The following CD63 variants were observed in gnomAD, a reference collection of about 807,000 sequenced individuals.
CD63 encodes the protein CD63 molecule, also known as CD63 antigen.
Under a neutral mutation model 29.2 loss-of-function variants are expected in CD63, and 16 were observed. The ratio of observed to expected loss-of-function variants is 0.55; its 90% CI spans 0.37 to 0.83. The LOEUF (loss-of-function observed/expected upper bound fraction) is 0.83. CD63 is among the 40% of genes least tolerant of loss of function. The probability of loss-of-function intolerance (pLI) is 0.00; values close to 1 mark genes in which losing one functional copy is unlikely to be tolerated. For synonymous variants in CD63, 118 were observed against 111.7 expected, an observed-to-expected ratio of 1.06 and a Z score of -0.36; for missense variants, 251 against 297.3, an observed-to-expected ratio of 0.84 and a Z score of 1.15.
chr12:55,723,973 GA>G, downstream of CD63: 1 of 1,614,052 alleles, frequency 6.2e-7, no homozygotes, highest in Non-Finnish European at 8.5e-7. Flanking sequence ...AGAGTCTGGA[GA>G]AAACCCTGCA....
chr12:55,725,900 A>C lies in CD63; in HGVS notation c.568-4T>G. On this transcript the variant is annotated splice_region_variant and splice_polypyrimidine_tract_variant and intron_variant, in intron 6 of 7. Coordinates refer to ENST00000257857, the MANE Select transcript of CD63 (RefSeq NM_001780.6). ...CCCCAATCTTCTCCACACAGCCCTG[A>C]AGGTGGCAGGCACAAAGGACAAAAG... 1 of 1,613,714 alleles carries C rather than the reference A, an allele frequency of 6.2e-7. No individual in the cohort carries two copies. Among genetic ancestry groups the C allele is most frequent in the Non-Finnish European group, 8.5e-7 (1 of 1,179,792 alleles).
chr12:55,726,649 A>G, intron 5 of CD63, 51 bp downstream of exon 5: 1 of 1,404,702 alleles, frequency 7.1e-7, no homozygotes, highest in Non-Finnish European at 1.0e-6. Context: ...CCAGCCTTGG[A>G]GATGAGAATT....
At chr12:55,729,149 C>A, upstream of CD63, 1 of 985,088 alleles carries the variant, frequency 1.0e-6, no homozygotes, top group Non-Finnish European at 1.2e-6. Flanking sequence ...CTGGGCCCGG[C>A]GCGGGGTGGG....
At chr12:55,723,804 T>G, downstream of CD63, 2 of 1,538,088 alleles carry the variant, frequency 1.3e-6, no homozygotes, top group Non-Finnish European at 1.8e-6. Context: ...GTGGTAACTT[T>G]CTCAGCTCCC....
intron 5 of CD63, 67 bp from the exon 6 acceptor site, chr12:55,726,328 A>C: frequency 1.8e-6 from 1 of 556,628 alleles, no homozygotes. Flanking sequence ...TATGGAGATG[A>C]GAATTCTTTT....
At chr12:55,727,749 G>A in intron 2 of CD63, 1 of 1,033,026 alleles carries the variant, frequency 9.7e-7, no homozygotes, top group Non-Finnish European at 1.2e-6. Context: ...TAGGCCAGGA[G>A]AAGGGAAGAG....
Position 55,727,498 on chromosome 12 carries a change from C to A in CD63, c.67-159G>T, listed in dbSNP as rs1877544791. On this transcript the variant is annotated intron_variant, in intron 2 of 7. Transcript: ENST00000257857. ...CTTTGGCTGTGGGGTAGGGGGATGA[C>A]CCATCCTTGCCTGCCCCTACCTCCC... The A allele has an allele frequency of 2.5e-6, 3 of 1,177,428 alleles. No individual in the cohort carries two copies. In the South Asian group the frequency reaches 5.4e-5, roughly 21 times the overall value. 72.9% of individuals were successfully genotyped at this position (1,177,428 alleles called of 1,614,324 possible).
chr12:55,725,848 C>CCA lies in CD63; in HGVS notation c.614_615dup (p.Val206TrpfsTer2). The CCA allele has an allele frequency of 6.2e-7, 1 of 1,614,122 alleles. No individual in the cohort carries two copies. Among genetic ancestry groups the CCA allele is most frequent in the Non-Finnish European group, 8.5e-7 (1 of 1,179,986 alleles). ...GCAATTCCAAGGGCTGCTGCAGCTA[C>CCA]CACCAGCACATTTTTCCTCAGCCAG... is the stretch of plus-strand genomic sequence containing the variant. On this transcript the variant is annotated frameshift_variant, in exon 7 of 8. Coordinates refer to ENST00000257857, the MANE Select transcript of CD63 (RefSeq NM_001780.6). LOFTEE classifies it high-confidence loss of function.
In CD63 at chr12:55,726,133, C is replaced by T. The variant is rs377744109; in HGVS notation, c.555G>A (p.Ala185=). ...VGCGINFNEK[A]IHKEGCVEKI... is the part of the protein sequence containing the mutation. ...GTCTCCTCCCTACCTCCTTATGGAT[C>T]GCCTTCTCGTTGAAATTAATCCCAC... is the stretch of plus-strand genomic sequence containing the variant. Residue 185 remains alanine, a synonymous_variant, in exon 6 of 8, where the codon GCG becomes GCA. Transcript: ENST00000257857. 6.1e-5 allele frequency: 99 copies of T among 1,613,846 alleles called. No homozygotes were observed. Among genetic ancestry groups the T allele is most frequent in the East Asian group, 4.7e-4 (21 of 44,892 alleles).
downstream of CD63, chr12:55,724,448 C>G: frequency 6.2e-7 from 1 of 1,614,120 alleles, no homozygotes; most frequent in South Asian, 1.1e-5. Flanking sequence ...GGTTGGGATG[C>G]CAAGCTGCTC....
In CD63 at chr12:55,727,657, C is replaced by G. The variant is rs926719849; in HGVS notation, c.67-318G>C. 9.0e-6 allele frequency: 10 copies of G among 1,113,486 alleles called. No individual in the cohort carries two copies. The Admixed American group carries it at 4.8e-4, about 53-fold the overall frequency. 69.0% of individuals were successfully genotyped at this position (1,113,486 alleles called of 1,614,324 possible). ...GGCCTCCAGGGCTCCCAGCTCAATT[C>G]TCTCCCAGAACTGCCCCCTCACTAT... On this transcript the variant is annotated intron_variant, in intron 2 of 7. Transcript: ENST00000257857.
upstream of CD63, chr12:55,729,267 C>A: frequency 4.9e-6 from 2 of 410,524 alleles, no homozygotes; most frequent in Non-Finnish European, 6.6e-6. Context: ...CTGGGGCCCC[C>A]CTCTGGCGCT....
rs1313401625 is a variant in CD63 at position 55,728,640 on chromosome 12, G to A, written c.-11-288C>T. The A allele has an allele frequency of 1.6e-6, 2 of 1,287,014 alleles. No individual in the cohort carries two copies. The highest frequency in any genetic ancestry group is 2.0e-6 in the Non-Finnish European group (2 of 1,012,834). The allele number at this position is 1,287,014 out of a possible 1,614,324, so 79.7% of individuals were successfully genotyped here. ...CCTGACGCCGACCCTCGGCCCGCCA[G>A]TCTCCGGGCGTCAAACACCCTTTCC... On this transcript the variant is annotated intron_variant, in intron 1 of 7. Coordinates refer to ENST00000257857, the MANE Select transcript of CD63 (RefSeq NM_001780.6). The surrounding 1 kb of genome is among the most constrained non-coding windows in gnomAD (Gnocchi z 4.8).
intron 6 of CD63, 73 bp downstream of exon 6, chr12:55,726,048 C>A: frequency 6.4e-7 from 1 of 1,567,846 alleles, no homozygotes; most frequent in Non-Finnish European, 8.8e-7. Flanking sequence ...CCCTGTCCAC[C>A]TCCATCCTGG....
At position 55,725,843 on chromosome 12, in the gene CD63, A is replaced by T. The variant is rs908898794; in HGVS notation, c.621T>A (p.Ala207=). 3 of 1,613,928 alleles carry T rather than the reference A, an allele frequency of 1.9e-6. No homozygotes were observed. In the African/African-American group the frequency reaches 4.0e-5, roughly 22 times the overall value. The part of the protein sequence containing the change: ...GWLRKNVLVV[A]AAALGIAFVE... ...CAAAAGCAATTCCAAGGGCTGCTGC[A>T]GCTACCACCAGCACATTTTTCCTCA... The change falls in exon 7 of 8, where the codon GCT becomes GCA. Residue 207 remains alanine, a synonymous_variant. Transcript: ENST00000257857.
downstream of CD63, chr12:55,724,225 G>A: frequency 6.7e-7 from 1 of 1,489,438 alleles, no homozygotes; most frequent in Non-Finnish European, 9.3e-7. Flanking sequence ...ACTGAGGAGG[G>A]GACTGAGGGT....
downstream of CD63, chr12:55,723,873 GC>G (rs1377274647): frequency 2.5e-6 from 4 of 1,612,922 alleles, no homozygotes; most frequent in Admixed American, 5.0e-5. Flanking sequence ...ACTTCGCTCT[GC>G]CCCGACTCTA....
rs1322093150 is a variant in CD63 at position 55,728,254 on chromosome 12, C to G, written c.66+22G>C. The G allele has an allele frequency of 6.2e-7, 1 of 1,601,370 alleles. No homozygotes were observed. The highest frequency in any genetic ancestry group is 8.5e-7 in the Non-Finnish European group (1 of 1,173,386). ...CTCCCCGCACCCTGCCGGCGCGCCC[C>G]CCAGGACCCCTCGCCACTCACGCAA... On this transcript the variant is annotated intron_variant, in intron 2 of 7. Transcript: ENST00000257857. The surrounding 1 kb of genome is among the most constrained non-coding windows in gnomAD (Gnocchi z 4.8).
At chr12:55,725,988 G>GTA (rs2136147223) in intron 6 of CD63, 92 bp from the exon 7 acceptor site, 1 of 1,435,394 alleles carries the variant, frequency 7.0e-7, no homozygotes, top group Admixed American at 1.9e-5. Context: ...CCCTGCCCCT[G>GTA]TACCTTTCAC....
Sources: gnomAD v4.1 joint callset for allele counts on GRCh38, gnomAD v4.1.1 for gene constraint, Gnocchi (gnomAD v3.1) non-coding constraint, MANE v1.5 for transcripts, NCBI Gene and HGNC (gene_info 2026-07-23, HGNC 2026-07-21) for gene names.